The following HKDC1 variants were observed in gnomAD, a reference collection of about 807,000 sequenced individuals.
The protein encoded by HKDC1 is hexokinase domain containing 1.
HKDC1 carries 66 observed loss-of-function variants against 96.6 expected under a neutral mutation model. The observed-to-expected ratio is 0.68, with a 90% CI of 0.56 to 0.84. The LOEUF is 0.84. HKDC1 is among the 40% of genes least tolerant of loss of function. The pLI, the probability that HKDC1 is intolerant of heterozygous loss-of-function variation, is 0.00. For synonymous variants in HKDC1, 466 were observed against 473.1 expected, an observed-to-expected ratio of 0.98 and a Z score of 0.20; for missense variants, 1,211 against 1,208.1, an observed-to-expected ratio of 1.00 and a Z score of -0.04.
intron 7 of HKDC1, among the ~76,000 whole-genome samples, chr10:69,243,774 G>T (rs1223196379): frequency 6.6e-6 from 1 of 152,158 alleles, no homozygotes; most frequent in Non-Finnish European, 1.5e-5. Context: ...TGGGATTACA[G>T]GCATGAGCCA....
chr10:69,252,212 G>T (rs1843653406), intron 12 of HKDC1, among the ~76,000 whole-genome samples: 1 of 130,308 alleles, frequency 7.7e-6, no homozygotes, highest in Non-Finnish European at 1.7e-5. Context: ...TAATTCTAGG[G>T]TAAAAACACC....
chr10:69,240,332 A>G (rs1257708319), intron 5 of HKDC1, among the ~76,000 whole-genome samples: 1 of 152,110 alleles, frequency 6.6e-6, no homozygotes, highest in African/African-American at 2.4e-5. Flanking sequence ...CAGATTAAAA[A>G]ATAAAATTTT....
chr10:69,232,451 G>A (rs1843280533), intron 2 of HKDC1: 1 of 298,408 alleles, frequency 3.4e-6, no homozygotes. Flanking sequence ...CCACCGTCGA[G>A]GCCACCTCTC....
chr10:69,244,937 T>G (rs954773768), intron 7 of HKDC1, among the ~76,000 whole-genome samples: 1 of 152,140 alleles, frequency 6.6e-6, no homozygotes, highest in African/African-American at 2.4e-5. Flanking sequence ...AGTCTCACTC[T>G]GTCGCCAAGG....
chr10:69,246,372 T>C (rs1205141424), intron 8 of HKDC1, 138 bp downstream of exon 8: 29 of 902,242 alleles, frequency 3.2e-5, no homozygotes, highest in Non-Finnish European at 4.4e-5. Context: ...GGGCATGGCT[T>C]CAGATGGGTT....
At chr10:69,248,751 T>C (rs2132360145) in intron 10 of HKDC1, 23 bp downstream of exon 10, 1 of 1,566,156 alleles carries the variant, frequency 6.4e-7, no homozygotes, top group East Asian at 2.3e-5. Context: ...AGCCTCCCTC[T>C]CTGAACAGCC....
intron 8 of HKDC1, among the ~76,000 whole-genome samples, chr10:69,246,799 C>T (rs896559142): frequency 1.3e-5 from 2 of 152,246 alleles, no homozygotes; most frequent in Admixed American, 6.5e-5. Flanking sequence ...ACTGCATTGC[C>T]GTCCAGCACA....
intron 17 of HKDC1, 143 bp from the exon 18 acceptor site, chr10:69,266,463 TAAAA>T: frequency 3.7e-6 from 2 of 547,644 alleles, no homozygotes; most frequent in Non-Finnish European, 5.8e-6. Flanking sequence ...AGACCATGTC[TAAAA>T]AAAAAAAAAA....
intron 12 of HKDC1, among the ~76,000 whole-genome samples, chr10:69,253,631 A>G (rs534567788): frequency 2.0e-5 from 3 of 152,354 alleles, no homozygotes; most frequent in African/African-American, 7.2e-5. Flanking sequence ...TAAAATGCAT[A>G]GCGTGGGTCT....
chr10:69,267,476 T>C lies in HKDC1; in HGVS notation c.*719T>C. The C allele has an allele frequency of 2.2e-6, 1 of 455,888 alleles. No individual in the cohort carries two copies. The allele number at this position is 455,888 out of a possible 1,614,324, so 28.2% of individuals were successfully genotyped here. A position where few individuals can be genotyped will look rare whatever the true frequency, so the allele number is the denominator to read the frequency against. ...TTTTGCCTGTGGTTTGTGTTGCAGG[T>C]GTTGATAGTTGTTTTAAGGATTGTT... On this transcript the variant is annotated 3_prime_UTR_variant, in exon 18 of 18. Transcript: ENST00000354624.
Position 69,265,567 on chromosome 10 carries a change from C to T in HKDC1, c.2373-18C>T, listed in dbSNP as rs1843882230. ...GTCCTGGGAAGCAGGTCCTGACTCC[C>T]TGCTCTATTGCCTGCAGCGATCGGC... On this transcript the variant is annotated intron_variant, in intron 16 of 17. Transcript: ENST00000354624. The T allele has an allele frequency of 6.2e-7, 1 of 1,611,836 alleles. No homozygotes were observed. The highest frequency in any genetic ancestry group is 1.1e-5 in the South Asian group (1 of 90,898).
chr10:69,236,069 A>G (rs528141018), intron 4 of HKDC1, among the ~76,000 whole-genome samples: 1 of 151,606 alleles, frequency 6.6e-6, no homozygotes, highest in African/African-American at 2.4e-5. Context: ...CCAGAAAGAC[A>G]CCACTTTAGA....
chr10:69,227,091 T>A (rs1843170124), intron 1 of HKDC1, 116 bp from the exon 2 acceptor site: 1 of 1,172,124 alleles, frequency 8.5e-7, no homozygotes. Flanking sequence ...AATCCACATC[T>A]CAATGCTGTC....
At chr10:69,235,339 T>C (rs980312342) in intron 4 of HKDC1, among the ~76,000 whole-genome samples, 4 of 150,632 alleles carry the variant, frequency 2.7e-5, no homozygotes, top group Admixed American at 6.6e-5. Flanking sequence ...GGAGAATCAC[T>C]TGAACCCACA....
rs369090638 is a variant in HKDC1, at chr10:69,233,110, T to C, written c.472T>C (p.Cys158Arg). The part of the protein sequence containing the change: ...LPLGLTFSFP[C>R]RQTKLEEGVL... ...CCTTGGCCTAACTTTTTCTTTCCCC[T>C]GTCGACAGACTAAACTGGAAGAGGT... Residue 158 changes from cysteine (C) to arginine (R), a missense_variant, in exon 4 of 18, where the codon TGT becomes CGT. Coordinates refer to ENST00000354624, the MANE Select transcript of HKDC1 (RefSeq NM_025130.4). 1 of 1,614,098 alleles carries C rather than the reference T, an allele frequency of 6.2e-7. No homozygotes were observed. The highest frequency in any genetic ancestry group is 8.5e-7 in the Non-Finnish European group (1 of 1,180,034).
chr10:69,232,093 T>C (rs909215072), intron 2 of HKDC1, among the ~76,000 whole-genome samples: 3 of 152,204 alleles, frequency 2.0e-5, no homozygotes, highest in Non-Finnish European at 4.4e-5. Flanking sequence ...TCTGCCCGTC[T>C]CGGCCTCCCA....
rs372353917 is a variant in HKDC1, at chr10:69,265,732, A to G, written c.2520A>G (p.Ile840Met). Reference sequence around the variant, plus strand: ...TCTGCGGTGCTGGCCTGGCCGCTATAGTGGAAAAAAGGAGAGAAGACCAGG... The same window carrying G: ...TCTGCGGTGCTGGCCTGGCCGCTATGGTGGAAAAAAGGAGAGAAGACCAGG... ...AQLCGAGLAAIVEKRREDQGL... is the reference protein window; with the variant it reads ...AQLCGAGLAAMVEKRREDQGL... The change falls in exon 17 of 18, where the codon ATA becomes ATG. Residue 840 changes from isoleucine to methionine, a missense_variant. Ile to Met is a conservative substitution (Grantham distance 10, BLOSUM62 1). Coordinates refer to ENST00000354624, the MANE Select transcript of HKDC1 (RefSeq NM_025130.4). 33 of 1,613,280 alleles carry G rather than the reference A, an allele frequency of 2.0e-5. No individual in the cohort carries two copies. In the African/African-American group the frequency reaches 3.5e-4, roughly 17 times the overall value.
In HKDC1 at chr10:69,265,350, T is replaced by G. The variant is rs1843878465; in HGVS notation, c.2373-235T>G. 1.3e-5 allele frequency: 7 copies of G among 538,394 alleles called. No homozygotes were observed. In the South Asian group the frequency reaches 1.7e-4, roughly 13 times the overall value. The allele number at this position is 538,394 out of a possible 1,614,324, so 33.4% of individuals were successfully genotyped here. A position where few individuals can be genotyped will look rare whatever the true frequency, so the allele number is the denominator to read the frequency against. On this transcript the variant is annotated intron_variant, in intron 16 of 17. Transcript: ENST00000354624. The stretch of plus-strand genomic sequence containing the variant: ...TCTAGTGAGATCACAGATATGAACA[T>G]GCTGAACACCAGAGGCATTCACACT...
At chr10:69,252,179 C>G (rs1270821625) in intron 12 of HKDC1, among the ~76,000 whole-genome samples, 2 of 151,616 alleles carry the variant, frequency 1.3e-5, no homozygotes, top group African/African-American at 4.8e-5. Context: ...AATATGGAGA[C>G]ATTTATTACA....
Sources: allele counts gnomAD v4.1 joint callset (sites outside exome capture counted in the v4.1 genomes callset), GRCh38; gene constraint gnomAD v4.1.1; transcripts MANE v1.5; gene names NCBI Gene and HGNC (gene_info 2026-07-23, HGNC 2026-07-21).